The following SGCZ variants were observed in gnomAD, a reference collection of about 807,000 sequenced individuals.
SGCZ encodes the protein zeta-sarcoglycan.
SGCZ carries 40 observed loss-of-function variants against 41.3 expected under a neutral mutation model. The ratio of observed to expected loss-of-function variants is 0.97; its 90% CI spans 0.75 to 1.26. The LOEUF is 1.26. Ranked by LOEUF, SGCZ falls within the 50% of genes most tolerant of loss-of-function variation. The pLI is 0.00. For missense variants in SGCZ, 552 were observed against 369.8 expected, an observed-to-expected ratio of 1.49 and a Z score of -4.04; for synonymous variants, 206 against 137.5, an observed-to-expected ratio of 1.50 and a Z score of -3.49.
chr8:14,444,346 T>C (rs946277375), intron 2 of SGCZ, among the ~76,000 whole-genome samples: 1 of 152,116 alleles, frequency 6.6e-6, no homozygotes, highest in African/African-American at 2.4e-5. Context: ...CATGCTGCTA[T>C]AAAGACACAT....
At chr8:14,425,299 A>G (rs1462802506) in intron 2 of SGCZ, among the ~76,000 whole-genome samples, 1 of 152,094 alleles carries the variant, frequency 6.6e-6, no homozygotes, top group African/African-American at 2.4e-5. Context: ...TACCACTTTT[A>G]TCTGTGCTGT....
chr8:14,691,918 T>C (rs1466712155), intron 1 of SGCZ, among the ~76,000 whole-genome samples: 1 of 152,000 alleles, frequency 6.6e-6, no homozygotes, highest in East Asian at 1.9e-4. Context: ...ATATATTGTG[T>C]TCTTGTTTTT....
At chr8:14,124,519 A>T (rs1046029372) in intron 5 of SGCZ, among the ~76,000 whole-genome samples, 3 of 152,194 alleles carry the variant, frequency 2.0e-5, no homozygotes, top group African/African-American at 4.8e-5. Context: ...AGTGCTTCTC[A>T]AATTGCAATA....
chr8:14,462,882 A>G (rs1416355486), intron 2 of SGCZ, among the ~76,000 whole-genome samples: 1 of 139,806 alleles, frequency 7.2e-6, no homozygotes, highest in Non-Finnish European at 1.6e-5. Context: ...TTTTTTTTTG[A>G]GTTTTCTTTC....
At chr8:15,027,524 G>A (rs761367615) in intron 1 of SGCZ, among the ~76,000 whole-genome samples, 3 of 152,008 alleles carry the variant, frequency 2.0e-5, no homozygotes, top group Non-Finnish European at 2.9e-5. Flanking sequence ...TGCCTTTCTA[G>A]AATATTTACA....
At chr8:14,965,296 C>G (rs1337588018) in intron 1 of SGCZ, among the ~76,000 whole-genome samples, 1 of 152,130 alleles carries the variant, frequency 6.6e-6, no homozygotes, top group Non-Finnish European at 1.5e-5. Context: ...GATGTTTAAC[C>G]TCCAGCCAAT....
chr8:14,544,335 G>A (rs1013298153), intron 2 of SGCZ, among the ~76,000 whole-genome samples: 16 of 152,014 alleles, frequency 1.1e-4, no homozygotes, highest in Non-Finnish European at 1.5e-5. Context: ...ATGTGTGTTT[G>A]AACAATATGA....
At chr8:14,163,585 C>T (rs563793239) in intron 5 of SGCZ, among the ~76,000 whole-genome samples, 3 of 152,282 alleles carry the variant, frequency 2.0e-5, no homozygotes, top group Admixed American at 6.5e-5. Flanking sequence ...CACACAACTA[C>T]ACACACATGC....
Position 14,902,404 on chromosome 8 carries a change from G to A in SGCZ, c.39+335181C>T, listed in dbSNP as rs1316515925. The stretch of plus-strand genomic sequence containing the variant: ...AGAGTGATCTCTTGCATTATCCAAT[G>A]CCTCTGTCTCTCCGAAGTTTTTGCC... On this transcript the variant is annotated intron_variant, in intron 1 of 7. Coordinates refer to ENST00000382080, the MANE Select transcript of SGCZ (RefSeq NM_139167.4). 3.9e-5 allele frequency among the ~76,000 whole-genome samples: 6 copies of A among 152,186 alleles called. No individual in the cohort carries two copies. The East Asian group carries it at 1.2e-3, about 29-fold the overall frequency.
chr8:14,733,092 G>A (rs890835819), intron 1 of SGCZ, among the ~76,000 whole-genome samples: 2 of 152,024 alleles, frequency 1.3e-5, no homozygotes, highest in African/African-American at 2.4e-5. Flanking sequence ...GCATGACACT[G>A]ACAAGTAAAA....
intron 1 of SGCZ, among the ~76,000 whole-genome samples, chr8:15,161,457 A>G (rs1799509983): frequency 6.6e-6 from 1 of 152,114 alleles, no homozygotes; most frequent in Non-Finnish European, 1.5e-5. Context: ...TTTCACCATC[A>G]GGATGTCTGC....
At chr8:14,407,584 T>G (rs1418518704) in intron 2 of SGCZ, among the ~76,000 whole-genome samples, 2 of 152,300 alleles carry the variant, frequency 1.3e-5, no homozygotes, top group East Asian at 3.9e-4. Flanking sequence ...TCCACCACTA[T>G]ATTACAATAT....
At chr8:14,645,388 G>A (rs527509690) in intron 1 of SGCZ, among the ~76,000 whole-genome samples, 22 of 148,868 alleles carry the variant, frequency 1.5e-4, no homozygotes, top group Admixed American at 2.7e-4. Flanking sequence ...ACATGCTGGC[G>A]TCCTCTAAAA....
intron 1 of SGCZ, among the ~76,000 whole-genome samples, chr8:15,147,682 G>A (rs1259178796): frequency 6.6e-6 from 1 of 152,170 alleles, no homozygotes; most frequent in Admixed American, 6.5e-5. Context: ...AGTAGGGGCT[G>A]GCTCACAGCC....
intron 1 of SGCZ, among the ~76,000 whole-genome samples, chr8:14,729,644 A>AAGTC (rs1810166591): frequency 6.6e-6 from 1 of 150,748 alleles, no homozygotes; most frequent in Non-Finnish European, 1.5e-5. Flanking sequence ...AGAGCGTTAA[A>AAGTC]AATCAATCAA....
chr8:14,277,237 C>T (rs1481321494), intron 3 of SGCZ, among the ~76,000 whole-genome samples: 2 of 152,110 alleles, frequency 1.3e-5, no homozygotes, highest in African/African-American at 4.8e-5. Flanking sequence ...TATCTTTTTT[C>T]ACTTTTATCC....
chr8:14,437,505 A>G (rs377157104), intron 2 of SGCZ, among the ~76,000 whole-genome samples: 4 of 152,098 alleles, frequency 2.6e-5, no homozygotes, highest in Non-Finnish European at 4.4e-5. Context: ...TTCTGAGTCA[A>G]TATTTTCAAG....
At chr8:14,723,209 T>C (rs535834873) in intron 1 of SGCZ, among the ~76,000 whole-genome samples, 1 of 152,294 alleles carries the variant, frequency 6.6e-6, no homozygotes, top group African/African-American at 2.4e-5. Context: ...TTGGAGCAGA[T>C]CTTCAGAGAG....
intron 1 of SGCZ, among the ~76,000 whole-genome samples, chr8:14,636,102 G>T (rs1806819680): frequency 6.6e-6 from 1 of 151,792 alleles, no homozygotes; most frequent in African/African-American, 2.4e-5. Flanking sequence ...ATCTAGAGAT[G>T]AATAAAAGCT....
Sources: allele counts gnomAD v4.1 joint callset (sites outside exome capture counted in the v4.1 genomes callset), GRCh38; gene constraint gnomAD v4.1.1; transcripts MANE v1.5; gene names NCBI Gene and HGNC (gene_info 2026-07-23, HGNC 2026-07-21).